The following MAGI1 variants were observed in gnomAD, a reference collection of about 807,000 sequenced individuals.
MAGI1 encodes membrane associated guanylate kinase, WW and PDZ domain containing 1.
MAGI1 carries 58 observed loss-of-function variants against 139.9 expected under a neutral mutation model. That is an observed-to-expected ratio of 0.41 (90% CI 0.34 to 0.52). The LOEUF (loss-of-function observed/expected upper bound fraction) is 0.52. MAGI1 is among the 20% of genes least tolerant of loss of function. The pLI is 0.12. For missense variants in MAGI1, 1,874 were observed against 1,901.6 expected, an observed-to-expected ratio of 0.99 and a Z score of 0.27; for synonymous variants, 812 against 737.9, an observed-to-expected ratio of 1.10 and a Z score of -1.63.
chr3:65,644,721 C>A (rs1018227337), intron 1 of MAGI1, among the ~76,000 whole-genome samples: 1 of 151,924 alleles, frequency 6.6e-6, no homozygotes, highest in Admixed American at 6.6e-5. Flanking sequence ...TTAAAGGCCA[C>A]GCACAGTGGC....
Position 65,584,877 on chromosome 3 carries a change from G to A in MAGI1, c.430+37095C>T, listed in dbSNP as rs1180984622. On this transcript the variant is annotated intron_variant, in intron 2 of 22. Coordinates refer to ENST00000402939, the MANE Select transcript of MAGI1 (RefSeq NM_001033057.2). ...AAATCTTTCTTGTACCAGGTACTGTGCTAGACACTGGTGCTATAATGGGAA... is the reference window on the plus strand; with the variant it reads ...AAATCTTTCTTGTACCAGGTACTGTACTAGACACTGGTGCTATAATGGGAA... Among the ~76,000 whole-genome samples, 5 of 152,096 alleles carry A rather than the reference G, an allele frequency of 3.3e-5. No homozygotes were observed. The East Asian group carries it at 9.6e-4, about 29-fold the overall frequency.
chr3:65,838,555 GTA>G, intron 1 of MAGI1, among the ~76,000 whole-genome samples: 1 of 152,248 alleles, frequency 6.6e-6, no homozygotes, highest in South Asian at 2.1e-4. Context: ...AAGTTATTGT[GTA>G]TATCAATAGT....
intron 1 of MAGI1, among the ~76,000 whole-genome samples, chr3:66,000,644 G>A (rs144953402): frequency 6.6e-6 from 1 of 152,342 alleles, no homozygotes; most frequent in Admixed American, 6.5e-5. Flanking sequence ...ATTTCAACCA[G>A]GAAGCAGGTG....
In MAGI1 at chr3:65,744,479, T is replaced by C. The variant is rs189251307; in HGVS notation, c.314-122391A>G. ...AACAAGAATAGGCTGAGAAAGATTA[T>C]AGTGGCACTGTTTTAAATGAATGAG... On this transcript the variant is annotated intron_variant, in intron 1 of 22. Coordinates refer to ENST00000402939, the MANE Select transcript of MAGI1 (RefSeq NM_001033057.2). Among the ~76,000 whole-genome samples, 47 of 152,320 alleles carry C rather than the reference T, an allele frequency of 3.1e-4. No homozygotes were observed. The East Asian group carries it at 8.1e-3, about 26-fold the overall frequency.
At chr3:65,850,258 T>C (rs149594472) in intron 1 of MAGI1, among the ~76,000 whole-genome samples, 1 of 152,288 alleles carries the variant, frequency 6.6e-6, no homozygotes, top group East Asian at 1.9e-4. Flanking sequence ...TTTTGCAGTA[T>C]ACAAACTAGA....
intron 12 of MAGI1, among the ~76,000 whole-genome samples, chr3:65,402,603 A>G (rs76013210): frequency 0.015 from 2,289 of 152,154 alleles, 66 homozygotes; most frequent in African/African-American, 0.052. Flanking sequence ...TGCACCGGAG[A>G]TTTCAACCTG....
chr3:65,635,785 T>G (rs191580340), intron 1 of MAGI1, among the ~76,000 whole-genome samples: 1 of 152,240 alleles, frequency 6.6e-6, no homozygotes, highest in Non-Finnish European at 1.5e-5. Flanking sequence ...CAGACTGGAA[T>G]AGATAATCTG....
chr3:65,793,221 G>A (rs985895776), intron 1 of MAGI1, among the ~76,000 whole-genome samples: 1 of 152,166 alleles, frequency 6.6e-6, no homozygotes, highest in Non-Finnish European at 1.5e-5. Context: ...CCATGCTGGC[G>A]CTCTCAGGGC....
At chr3:65,825,335 T>C (rs2042165191) in intron 1 of MAGI1, among the ~76,000 whole-genome samples, 1 of 152,208 alleles carries the variant, frequency 6.6e-6, no homozygotes, top group South Asian at 2.1e-4. Flanking sequence ...ATCAATTATT[T>C]AAATACTTTA....
chr3:65,393,618 A>C (rs944375221), intron 13 of MAGI1, among the ~76,000 whole-genome samples: 3 of 152,212 alleles, frequency 2.0e-5, no homozygotes, highest in Admixed American at 6.5e-5. Context: ...CAAAAAACTC[A>C]ATAAAAGACC....
chr3:65,801,925 T>C (rs1222619347), intron 1 of MAGI1, among the ~76,000 whole-genome samples: 1 of 152,068 alleles, frequency 6.6e-6, no homozygotes, highest in Non-Finnish European at 1.5e-5. Context: ...GGGCCTCCTG[T>C]GATATCAGCA....
intron 1 of MAGI1, among the ~76,000 whole-genome samples, chr3:65,625,176 A>G (rs1370779192): frequency 1.3e-5 from 2 of 152,222 alleles, no homozygotes; most frequent in African/African-American, 2.4e-5. Context: ...CCTGGCCCCA[A>G]TATAATATTC....
chr3:65,548,661 G>A (rs139383646), intron 2 of MAGI1, among the ~76,000 whole-genome samples: 30 of 151,798 alleles, frequency 2.0e-4, no homozygotes, highest in Non-Finnish European at 3.8e-4. Flanking sequence ...CAGCTGGGAC[G>A]GCAGGCATGC....
At chr3:65,568,607 C>A (rs1047293477) in intron 2 of MAGI1, among the ~76,000 whole-genome samples, 2 of 152,144 alleles carry the variant, frequency 1.3e-5, no homozygotes, top group Admixed American at 6.5e-5. Flanking sequence ...AAAATGTATT[C>A]ATTCGTTCTA....
At chr3:65,742,908 A>T (rs1046748799) in intron 1 of MAGI1, among the ~76,000 whole-genome samples, 2 of 152,238 alleles carry the variant, frequency 1.3e-5, no homozygotes, top group African/African-American at 4.8e-5. Flanking sequence ...AAATGTTTGC[A>T]AACAAACCCT....
At chr3:65,522,674 A>C (rs2078215702) in intron 2 of MAGI1, among the ~76,000 whole-genome samples, 1 of 152,144 alleles carries the variant, frequency 6.6e-6, no homozygotes, top group South Asian at 2.1e-4. Context: ...TTCCCCAGTC[A>C]TAGGTGTCAG....
chr3:65,559,866 G>A (rs1319317629), intron 2 of MAGI1, among the ~76,000 whole-genome samples: 1 of 152,080 alleles, frequency 6.6e-6, no homozygotes, highest in African/African-American at 2.4e-5. Context: ...AAGACCCTAT[G>A]TGTATAAAAT....
rs991237725 is a variant in MAGI1, at chr3:65,593,507, TATAGGATA to T, written c.430+28457_430+28464del. 9.8e-4 allele frequency among the ~76,000 whole-genome samples: 149 copies of T among 152,342 alleles called. 1 individual carries two copies. Among genetic ancestry groups the T allele is most frequent in the African/African-American group, 3.4e-3 (140 of 41,586 alleles). The stretch of plus-strand genomic sequence containing the variant: ...AAATGATTTTTTACTTCCAATAGAA[TATAGGATA>T]AACTATCTGGTTGGTGGAAAATAAT... On this transcript the variant is annotated intron_variant, in intron 2 of 22. Coordinates refer to ENST00000402939, the MANE Select transcript of MAGI1 (RefSeq NM_001033057.2).
At chr3:65,716,436 G>C (rs745460798) in intron 1 of MAGI1, among the ~76,000 whole-genome samples, 1 of 152,142 alleles carries the variant, frequency 6.6e-6, no homozygotes, top group African/African-American at 2.4e-5. Flanking sequence ...CACTTACCTC[G>C]ATGTGCAGTG....
Sources: gnomAD v4.1 joint callset for allele counts (sites outside exome capture counted in the v4.1 genomes callset) on GRCh38, gnomAD v4.1.1 for gene constraint, MANE v1.5 for transcripts, NCBI Gene and HGNC (gene_info 2026-07-23, HGNC 2026-07-21) for gene names.